Variants in SEMA6D observed in about 807,000 individuals in gnomAD.
The protein encoded by SEMA6D is semaphorin 6D.
SEMA6D carries 35 observed loss-of-function variants against 106.6 expected under a neutral mutation model. The observed-to-expected ratio is 0.33, with a 90% confidence interval of 0.25 to 0.44. The LOEUF (loss-of-function observed/expected upper bound fraction) is 0.44, where lower values mean the gene tolerates loss of function less well. Among genes scored for constraint, SEMA6D ranks in the 20% least tolerant of loss-of-function variants. The pLI, the probability that SEMA6D is intolerant of heterozygous loss-of-function variation, is 1.00. For synonymous variants in SEMA6D, 499 were observed against 487.7 expected, an observed-to-expected ratio of 1.02 and a Z score of -0.31; for missense variants, 1,185 against 1,345.9, an observed-to-expected ratio of 0.88 and a Z score of 1.87.
chr15:47,404,487 G>A (rs2040496899), intron 1 of SEMA6D, among the ~76,000 whole-genome samples: 1 of 152,136 alleles, frequency 6.6e-6, no homozygotes, highest in African/African-American at 2.4e-5. Flanking sequence ...CCATCTGATT[G>A]AAAAGCCTGA....
chr15:47,650,761 A>G (rs1357683483), intron 4 of SEMA6D, among the ~76,000 whole-genome samples: 1 of 152,226 alleles, frequency 6.6e-6, no homozygotes, highest in African/African-American at 2.4e-5. Flanking sequence ...GACCTGGGGC[A>G]AAAGTCCAGG....
At chr15:47,725,359 G>C (rs993633325) in intron 1 of SEMA6D, among the ~76,000 whole-genome samples, 1 of 152,176 alleles carries the variant, frequency 6.6e-6, no homozygotes, top group Non-Finnish European at 1.5e-5. Flanking sequence ...TAAACTGAAA[G>C]GAATGAGGTT....
chr15:47,611,235 C>T (rs1278397491), intron 4 of SEMA6D, among the ~76,000 whole-genome samples: 1 of 152,016 alleles, frequency 6.6e-6, no homozygotes, highest in Non-Finnish European at 1.5e-5. Context: ...GACTTAGTTA[C>T]AGAATCTGTG....
At chr15:47,447,483 AG>A (rs1418963691) in intron 2 of SEMA6D, among the ~76,000 whole-genome samples, 5 of 152,102 alleles carry the variant, frequency 3.3e-5, no homozygotes, top group African/African-American at 1.2e-4. Flanking sequence ...CTATAGCTAA[AG>A]GGGTCTCCCA....
chr15:47,494,538 T>C (rs1005946355), intron 3 of SEMA6D, among the ~76,000 whole-genome samples: 3 of 151,760 alleles, frequency 2.0e-5, no homozygotes, highest in African/African-American at 7.2e-5. Flanking sequence ...TTATGCATCT[T>C]GAACATAATT....
chr15:47,741,795 AT>A (rs1374672320), intron 1 of SEMA6D, among the ~76,000 whole-genome samples: 1 of 152,140 alleles, frequency 6.6e-6, no homozygotes, highest in Non-Finnish European at 1.5e-5. Context: ...CATGTGAAAT[AT>A]TTTCTATTTG....
At chr15:47,463,603 C>T (rs2042577860) in intron 2 of SEMA6D, among the ~76,000 whole-genome samples, 2 of 152,228 alleles carry the variant, frequency 1.3e-5, no homozygotes, top group South Asian at 4.1e-4. Context: ...CGGGGGAATC[C>T]CCGTGGGGCC....
At chr15:47,571,197 G>A (rs944227715) in intron 3 of SEMA6D, among the ~76,000 whole-genome samples, 1 of 151,360 alleles carries the variant, frequency 6.6e-6, no homozygotes, top group East Asian at 1.9e-4. Context: ...ATTACTCTTC[G>A]GCCCACTTGC....
chr15:47,407,400 C>CAAAAAAAA (rs1272439298), intron 1 of SEMA6D, among the ~76,000 whole-genome samples: 1 of 85,224 alleles, frequency 1.2e-5, no homozygotes, highest in Non-Finnish European at 2.7e-5. Context: ...AAAACAACAA[C>CAAAAAAAA]AACAACAACA....
chr15:47,495,881 G>A (rs2043639205), intron 3 of SEMA6D, among the ~76,000 whole-genome samples: 1 of 151,932 alleles, frequency 6.6e-6, no homozygotes. Context: ...GAACATACAA[G>A]TATTTTTCAG....
chr15:47,353,575 C>T (rs902503785), intron 1 of SEMA6D, among the ~76,000 whole-genome samples: 2 of 152,128 alleles, frequency 1.3e-5, no homozygotes, highest in Non-Finnish European at 2.9e-5. Flanking sequence ...CCTCCTCATC[C>T]TCTAAACTTT....
At chr15:47,285,991 G>C (rs2035344016) in intron 1 of SEMA6D, among the ~76,000 whole-genome samples, 1 of 152,102 alleles carries the variant, frequency 6.6e-6, no homozygotes, top group Non-Finnish European at 1.5e-5. Flanking sequence ...AATTAACTAA[G>C]AACAACCAAG....
chr15:47,634,795 G>T (rs2077354304), intron 4 of SEMA6D, among the ~76,000 whole-genome samples: 2 of 150,332 alleles, frequency 1.3e-5, no homozygotes, highest in South Asian at 4.3e-4. Flanking sequence ...TAGTGAGGAA[G>T]AGCACTGCCT....
chr15:47,240,664 A>G (rs1029734799), intron 1 of SEMA6D, among the ~76,000 whole-genome samples: 13 of 152,168 alleles, frequency 8.5e-5, no homozygotes, highest in Non-Finnish European at 1.3e-4. Context: ...GCTGTTGAAT[A>G]TTAACATTTA....
intron 2 of SEMA6D, among the ~76,000 whole-genome samples, chr15:47,465,667 T>G (rs776428379): frequency 8.5e-5 from 13 of 152,228 alleles, no homozygotes; most frequent in Middle Eastern, 6.8e-3. Flanking sequence ...CACCTCCTCC[T>G]TCTCTCTCTT....
intron 2 of SEMA6D, among the ~76,000 whole-genome samples, chr15:47,457,384 G>GA (rs1313800612): frequency 1.3e-5 from 2 of 151,150 alleles, no homozygotes; most frequent in Non-Finnish European, 1.5e-5. Flanking sequence ...AGAAGATTCA[G>GA]AAAAAAAACA....
chr15:47,391,403 C>T (rs896587348), intron 1 of SEMA6D, among the ~76,000 whole-genome samples: 2 of 151,418 alleles, frequency 1.3e-5, no homozygotes, highest in Admixed American at 6.6e-5. Flanking sequence ...CTTCCAGCTT[C>T]CTGCTGGAGC....
At chr15:47,585,411 A>AT (rs1364042105) in intron 3 of SEMA6D, among the ~76,000 whole-genome samples, 1 of 152,170 alleles carries the variant, frequency 6.6e-6, no homozygotes, top group East Asian at 1.9e-4. Flanking sequence ...GTCAGGTCTG[A>AT]TTTATTTAAA....
chr15:47,340,855 T>C (rs936010337), intron 1 of SEMA6D, among the ~76,000 whole-genome samples: 1 of 152,316 alleles, frequency 6.6e-6, no homozygotes, highest in African/African-American at 2.4e-5. Flanking sequence ...CAATATCTCC[T>C]GGTGCCATTA....
Sources: gnomAD v4.1 joint callset for allele counts (sites outside exome capture counted in the v4.1 genomes callset) on GRCh38, gnomAD v4.1.1 for gene constraint, MANE v1.5 for transcripts, NCBI Gene and HGNC (gene_info 2026-07-23, HGNC 2026-07-21) for gene names.